HGS: variants seen among roughly 807,000 people sequenced by gnomAD.
HGS encodes hepatocyte growth factor-regulated tyrosine kinase substrate.
HGS carries 63 observed loss-of-function variants against 109.7 expected under a neutral mutation model. That is an observed-to-expected ratio of 0.57 (90% CI 0.47 to 0.71). The LOEUF is 0.71. Ranked by LOEUF, HGS falls within the 30% of genes least tolerant of loss-of-function variation. HGS has a pLI of 0.00. For synonymous variants in HGS, 546 were observed against 437.3 expected, an observed-to-expected ratio of 1.25 and a Z score of -3.10; for missense variants, 995 against 1,068.3, an observed-to-expected ratio of 0.93 and a Z score of 0.96.
intron 4 of HGS, among the ~76,000 whole-genome samples, chr17:81,688,338 CCT>C (rs1036051453): frequency 6.6e-6 from 1 of 152,238 alleles, no homozygotes; most frequent in African/African-American, 2.4e-5. Flanking sequence ...CCGCAGTACC[CCT>C]GTGTTCTCAG....
intron 18 of HGS, 64 bp from the exon 19 acceptor site, chr17:81,700,403 G>C: frequency 6.9e-7 from 1 of 1,451,880 alleles, no homozygotes; most frequent in Non-Finnish European, 9.2e-7. Flanking sequence ...TCAAGAGTAG[G>C]GTGTCCCTTC....
chr17:81,701,805 C>G lies in HGS; in HGVS notation c.*187C>G. ...AGCCTACTGCAGTCCCTGAGTTAGT[C>G]TCTGCTTTCTTTCCCCAGGGCTGGG... is the stretch of plus-strand genomic sequence containing the variant. On this transcript the variant is annotated 3_prime_UTR_variant, in exon 22 of 22. Transcript: ENST00000329138. 2 of 827,156 alleles carry G rather than the reference C, an allele frequency of 2.4e-6. No individual in the cohort carries two copies. The allele number at this position is 827,156 out of a possible 1,614,324, so 51.2% of individuals were successfully genotyped here. A position where few individuals can be genotyped will look rare whatever the true frequency, so the allele number is the denominator to read the frequency against.
At chr17:81,695,693 C>A in intron 14 of HGS, 93 bp from the exon 15 acceptor site, 1 of 1,137,532 alleles carries the variant, frequency 8.8e-7, no homozygotes, top group Non-Finnish European at 1.3e-6. Context: ...CTGCTCCAGG[C>A]TTGAGTATAG....
At chr17:81,684,953 C>G in intron 1 of HGS, 1 of 985,330 alleles carries the variant, frequency 1.0e-6, no homozygotes, top group African/African-American at 1.7e-5. Flanking sequence ...AGAAAGTGGA[C>G]GTGGCTTGGC....
At chr17:81,692,005 C>T (rs576075983) in intron 8 of HGS, 4 of 189,072 alleles carry the variant, frequency 2.1e-5, no homozygotes, top group African/African-American at 7.0e-5. Flanking sequence ...CTCCCCTCTC[C>T]TGCGCGTGCG....
At position 81,688,829 on chromosome 17, in the gene HGS, T is replaced by C; in HGVS notation, c.415+2T>C. ...CCTACCAGATCATGAAGGTGGAGGGTGAGTCAGGACTGAGGTTGGGACCAG... is the reference window on the plus strand; with the variant it reads ...CCTACCAGATCATGAAGGTGGAGGGCGAGTCAGGACTGAGGTTGGGACCAG... On this transcript the variant is annotated splice_donor_variant, in intron 5 of 21. Transcript: ENST00000329138. LOFTEE classifies it high-confidence loss of function. The C allele has an allele frequency of 6.2e-7, 1 of 1,613,854 alleles. No individual in the cohort carries two copies. The highest frequency in any genetic ancestry group is 8.5e-7 in the Non-Finnish European group (1 of 1,179,942).
In HGS at chr17:81,691,732, C is replaced by T. The variant is rs959962528; in HGVS notation, c.662+161C>T. 15 of 849,514 alleles carry T rather than the reference C, an allele frequency of 1.8e-5. No homozygotes were observed. Among genetic ancestry groups the T allele is most frequent in the African/African-American group, 3.4e-5 (2 of 59,184 alleles). 52.6% of individuals were successfully genotyped at this position (849,514 alleles called of 1,614,324 possible). ...GAAACCCAGGGTGGCCGCATGCCCTCGGACCCTGCCCCACACTAGGGCAGG... is the reference window on the plus strand; with the variant it reads ...GAAACCCAGGGTGGCCGCATGCCCTTGGACCCTGCCCCACACTAGGGCAGG... On this transcript the variant is annotated intron_variant, in intron 8 of 21. Transcript: ENST00000329138. The surrounding 1 kb of genome is among the most constrained non-coding windows in gnomAD (Gnocchi z 5.3).
At chr17:81,690,582 G>C in intron 6 of HGS, 92 bp from the exon 7 acceptor site, 2 of 1,288,874 alleles carry the variant, frequency 1.6e-6, no homozygotes, top group South Asian at 1.3e-5. Context: ...GTCCTCTCTG[G>C]GTCCGTTGCC....
Position 81,696,163 on chromosome 17 carries a change from A to ATGCTCTGCCC in HGS, c.1393+167_1393+168insTCTGCCCTGC, listed in dbSNP as rs374574685. On this transcript the variant is annotated intron_variant, in intron 15 of 21. Transcript: ENST00000329138. ...ACAGGAGGTGGTCTCAGTGATGACC[A>ATGCTCTGCCC]TGCCCTGCCCTGCCCTGCCCTGCCC... 4 of 767,992 alleles carry ATGCTCTGCCC rather than the reference A, an allele frequency of 5.2e-6. No individual in the cohort carries two copies. The African/African-American group carries it at 7.1e-5, about 14-fold the overall frequency. The allele number at this position is 767,992 out of a possible 1,614,324, so 47.6% of individuals were successfully genotyped here.
At chr17:81,688,019 T>TA (rs1459464782) in intron 4 of HGS, among the ~76,000 whole-genome samples, 1 of 152,158 alleles carries the variant, frequency 6.6e-6, no homozygotes, top group Non-Finnish European at 1.5e-5. Flanking sequence ...TTCGCTCCTC[T>TA]GGGGTGAGGC....
intron 6 of HGS, 90 bp from the exon 7 acceptor site, chr17:81,690,584 T>C: frequency 5.4e-6 from 7 of 1,301,212 alleles, no homozygotes; most frequent in Non-Finnish European, 7.5e-6. Flanking sequence ...CCTCTCTGGG[T>C]CCGTTGCCTT....
In HGS at chr17:81,690,582, G is replaced by T; in HGVS notation, c.469-92G>T. 2.3e-6 allele frequency: 3 copies of T among 1,288,994 alleles called. No homozygotes were observed. The South Asian group carries it at 4.0e-5, about 17-fold the overall frequency. 79.8% of individuals were successfully genotyped at this position (1,288,994 alleles called of 1,614,324 possible). ...CTCGCTCGTGCTGGGGTCCTCTCTG[G>T]GTCCGTTGCCTTCTGTGGGGCAGGG... On this transcript the variant is annotated intron_variant, in intron 6 of 21. Transcript: ENST00000329138.
chr17:81,695,647 G>C, intron 14 of HGS, 139 bp from the exon 15 acceptor site: 1 of 756,050 alleles, frequency 1.3e-6, no homozygotes, highest in Non-Finnish European at 2.2e-6. Context: ...TTCCTCAGCT[G>C]TAGAAGGGGC....
At chr17:81,697,103 C>T (rs1479446993) in intron 18 of HGS, 105 bp downstream of exon 18, 3 of 1,229,982 alleles carry the variant, frequency 2.4e-6, no homozygotes, top group South Asian at 1.6e-5. Flanking sequence ...TTCCCAGTTG[C>T]CCCGATGTGA....
At chr17:81,687,135 G>A in intron 4 of HGS, 40 bp downstream of exon 4, 1 of 1,431,606 alleles carries the variant, frequency 7.0e-7, no homozygotes, top group Non-Finnish European at 9.8e-7. Context: ...ACCCAGGCTG[G>A]CACCTTTGCT....
chr17:81,694,857 A>G lies in HGS; in HGVS notation c.975+4A>G. ...GGCTGAGGACATCGACCCTGAGGTA[A>G]GGCCCAGCATGGGGTGCATCCTCTC... On this transcript the variant is annotated splice_donor_region_variant and intron_variant, in intron 12 of 21. Transcript: ENST00000329138. The G allele has an allele frequency of 6.2e-7, 1 of 1,614,204 alleles. No individual in the cohort carries two copies. The highest frequency in any genetic ancestry group is 8.5e-7 in the Non-Finnish European group (1 of 1,180,022).
intron 1 of HGS, chr17:81,685,045 C>T: frequency 1.0e-6 from 1 of 985,400 alleles, no homozygotes. Flanking sequence ...TTGTTGGAGA[C>T]AGCAGTGATG....
chr17:81,693,589 GC>G lies in HGS; in HGVS notation c.741+13del, dbSNP rs759975428. ...CTGTCTCAGCAGTCCCAGGTACTCA[GC>G]CCCCTCCGTCCCGTGGGCACCTCTT... On this transcript the variant is annotated intron_variant, in intron 9 of 21. Transcript: ENST00000329138. 3 of 1,586,824 alleles carry G rather than the reference GC, an allele frequency of 1.9e-6. No homozygotes were observed. Among genetic ancestry groups the G allele is most frequent in the South Asian group, 1.1e-5 (1 of 88,918 alleles).
rs759291155 is a variant in HGS at position 81,693,559 on chromosome 17, G to T, written c.719G>T (p.Ser240Ile). 4.3e-6 allele frequency: 7 copies of T among 1,612,190 alleles called. No homozygotes were observed. The highest frequency in any genetic ancestry group is 1.7e-5 in the Admixed American group (1 of 59,914). Residue 240 changes from serine (S) to isoleucine (I), a missense_variant, in exon 9 of 22, where the codon AGC becomes ATC. Physicochemically the swap from Ser to Ile is moderately radical, Grantham distance 142 (BLOSUM62 -2). This residue lies in a region of HGS where 300 missense variants were observed against 235.4 expected (regional missense o/e 1.27). Transcript: ENST00000329138. The part of the protein sequence containing the change: ...TTELPPEYLT[S>I]PLSQQSQLPP... ...GAGCTGCCCCCCGAGTACCTGACCA[G>T]CCCCCTGTCTCAGCAGTCCCAGGTA...
Sources: allele counts gnomAD v4.1 joint callset (sites outside exome capture counted in the v4.1 genomes callset), GRCh38; gene constraint gnomAD v4.1.1; regional missense constraint gnomAD v4.1.1; non-coding constraint Gnocchi (gnomAD v3.1); transcripts MANE v1.5; gene names NCBI Gene and HGNC (gene_info 2026-07-23, HGNC 2026-07-21).